DOCK4: variants seen among roughly 807,000 people sequenced by gnomAD.
DOCK4 encodes dedicator of cytokinesis protein 4.
A neutral mutation model predicts 268.1 loss-of-function variants in DOCK4; 97 were observed. That is an observed-to-expected ratio of 0.36 (90% CI 0.31 to 0.43). DOCK4 has a LOEUF of 0.43. DOCK4 is among the 20% of genes least tolerant of loss of function. The pLI, the probability that DOCK4 is intolerant of heterozygous loss-of-function variation, is 1.00. For synonymous variants in DOCK4, 954 were observed against 887.2 expected (o/e 1.08, Z -1.34); for missense variants, 2,145 against 2,455.7 (o/e 0.87, Z 2.67).
In DOCK4 at chr7:111,727,996, A is replaced by C. The variant is rs977271115; in HGVS notation, c.*278T>G. 1 of 348,720 alleles carries C rather than the reference A, an allele frequency of 2.9e-6. No individual in the cohort carries two copies. The highest frequency in any genetic ancestry group is 2.1e-5 in the African/African-American group (1 of 47,550). The allele number at this position is 348,720 out of a possible 1,614,324, so 21.6% of individuals were successfully genotyped here. A position where few individuals can be genotyped will look rare whatever the true frequency, so the allele number is the denominator to read the frequency against. ...TTTAAGATTAAACTATATAAAAAAAAGTGAACATAAAAAGGTACAAAAGGA... is the reference window on the plus strand; with the variant it reads ...TTTAAGATTAAACTATATAAAAAAACGTGAACATAAAAAGGTACAAAAGGA... On this transcript the variant is annotated 3_prime_UTR_variant, in exon 53 of 53. Coordinates refer to ENST00000428084, the MANE Select transcript of DOCK4 (RefSeq NM_001363540.2).
intron 44 of DOCK4, among the ~76,000 whole-genome samples, chr7:111,745,990 A>C (rs1796240793): frequency 6.6e-6 from 1 of 152,234 alleles, no homozygotes; most frequent in South Asian, 2.1e-4. Flanking sequence ...GATATATATG[A>C]AATAATAAAT....
At chr7:111,995,904 A>C (rs1799919102) in intron 4 of DOCK4, among the ~76,000 whole-genome samples, 1 of 152,244 alleles carries the variant, frequency 6.6e-6, no homozygotes, top group Non-Finnish European at 1.5e-5. Flanking sequence ...AAAAGTAAAC[A>C]GTAATATATA....
intron 12 of DOCK4, among the ~76,000 whole-genome samples, chr7:111,931,331 G>C (rs1389978457): frequency 6.6e-6 from 1 of 152,148 alleles, no homozygotes. Flanking sequence ...TTTCATTTCA[G>C]TACAAAGGCT....
chr7:111,762,757 G>GTTTTTTTTTTT (rs1797499588), intron 39 of DOCK4, among the ~76,000 whole-genome samples: 3 of 55,012 alleles, frequency 5.5e-5, no homozygotes, highest in Non-Finnish European at 1.1e-4. Flanking sequence ...ATTTTGTTTT[G>GTTTTTTTTTTT]TTTTCTTTTT....
At chr7:112,145,990 C>T (rs887820223) in intron 1 of DOCK4, among the ~76,000 whole-genome samples, 3 of 152,136 alleles carry the variant, frequency 2.0e-5, no homozygotes, top group Non-Finnish European at 4.4e-5. Context: ...GAGAGAAATA[C>T]ACTGGAAGAG....
chr7:111,748,270 A>C (rs559468471), intron 42 of DOCK4, among the ~76,000 whole-genome samples: 1 of 152,284 alleles, frequency 6.6e-6, no homozygotes, highest in East Asian at 1.9e-4. Flanking sequence ...ATCTTAAACC[A>C]ACACTGAAAA....
chr7:111,997,058 T>A (rs1162073663), intron 4 of DOCK4, among the ~76,000 whole-genome samples: 1 of 152,194 alleles, frequency 6.6e-6, no homozygotes, highest in Non-Finnish European at 1.5e-5. Flanking sequence ...GAAACAGGGG[T>A]AGCCCATGGT....
chr7:111,998,333 A>G, intron 4 of DOCK4, 115 bp downstream of exon 4: 1 of 798,874 alleles, frequency 1.3e-6, no homozygotes, highest in Non-Finnish European at 1.9e-6. Context: ...GAACACAGAC[A>G]ATGGTATGAT....
intron 52 of DOCK4, 40 bp from the exon 53 acceptor site, chr7:111,728,760 T>G: frequency 6.4e-7 from 1 of 1,550,834 alleles, no homozygotes. Flanking sequence ...GACACAGCAT[T>G]GAGTCGTGAA....
intron 5 of DOCK4, among the ~76,000 whole-genome samples, chr7:111,991,275 G>A (rs1420872024): frequency 6.6e-6 from 1 of 152,226 alleles, no homozygotes. Context: ...TGGCAAGAAT[G>A]CTGACATACT....
At chr7:112,081,891 A>C (rs1808621572) in intron 1 of DOCK4, among the ~76,000 whole-genome samples, 1 of 152,150 alleles carries the variant, frequency 6.6e-6, no homozygotes, top group African/African-American at 2.4e-5. Flanking sequence ...GTAATGCGCA[A>C]GATCTCCTAG....
At chr7:111,957,716 T>C (rs1314136063) in intron 8 of DOCK4, among the ~76,000 whole-genome samples, 2 of 152,134 alleles carry the variant, frequency 1.3e-5, no homozygotes, top group South Asian at 2.1e-4. Context: ...TCCAAATGAG[T>C]GTATGGCCCT....
At chr7:111,980,997 T>C (rs1206967557) in intron 7 of DOCK4, among the ~76,000 whole-genome samples, 1 of 152,234 alleles carries the variant, frequency 6.6e-6, no homozygotes, top group African/African-American at 2.4e-5. Flanking sequence ...GGTTTAGCAC[T>C]TTTACTGCTT....
At chr7:112,128,814 G>C (rs1162729066) in intron 1 of DOCK4, among the ~76,000 whole-genome samples, 1 of 151,894 alleles carries the variant, frequency 6.6e-6, no homozygotes, top group Non-Finnish European at 1.5e-5. Context: ...GAAAACCAGA[G>C]ACCTTTGTTC....
chr7:112,198,952 T>A (rs1404089624), intron 1 of DOCK4, among the ~76,000 whole-genome samples: 1 of 152,240 alleles, frequency 6.6e-6, no homozygotes, highest in African/African-American at 2.4e-5. Context: ...TGTAAGTTGT[T>A]TCACAGACAA....
intron 23 of DOCK4, chr7:111,862,875 A>G (rs1206764445): frequency 1.3e-5 from 2 of 153,212 alleles, no homozygotes; most frequent in Non-Finnish European, 1.5e-5. Context: ...AAGCTTTAAG[A>G]TAAGGTTAGT....
chr7:112,185,613 A>G (rs73192992), intron 1 of DOCK4, among the ~76,000 whole-genome samples: 15,497 of 152,128 alleles, frequency 0.1, 915 homozygotes, highest in Admixed American at 0.16. Flanking sequence ...TTAAAAAAAA[A>G]AAAAGAAAAG....
intron 1 of DOCK4, among the ~76,000 whole-genome samples, chr7:112,026,202 C>T (rs1802770368): frequency 6.6e-6 from 1 of 152,248 alleles, no homozygotes; most frequent in African/African-American, 2.4e-5. Context: ...AACCGCACAG[C>T]AGAAGGTGAG....
chr7:111,835,181 C>T, intron 25 of DOCK4, among the ~76,000 whole-genome samples: 1 of 152,162 alleles, frequency 6.6e-6, no homozygotes, highest in Admixed American at 6.5e-5. Context: ...GCATTATCCC[C>T]AGTCTTTCTG....
Sources: gnomAD v4.1 joint callset for allele counts (sites outside exome capture counted in the v4.1 genomes callset) on GRCh38, gnomAD v4.1.1 for gene constraint, MANE v1.5 for transcripts, NCBI Gene and HGNC (gene_info 2026-07-23, HGNC 2026-07-21) for gene names.